STAU2: variants seen among roughly 807,000 people sequenced by gnomAD.
The protein encoded by STAU2 is double-stranded RNA-binding protein Staufen homolog 2.
In STAU2, 20 loss-of-function variants were observed where a neutral mutation model predicts 65.9. The ratio of observed to expected loss-of-function variants is 0.30; its 90% CI spans 0.21 to 0.44. The LOEUF (loss-of-function observed/expected upper bound fraction) is 0.44. Ranked by LOEUF, STAU2 falls within the 20% of genes least tolerant of loss-of-function variation. The pLI is 1.00. For synonymous variants in STAU2, 232 were observed against 233.9 expected (o/e 0.99, Z 0.07); for missense variants, 558 against 683.9 (o/e 0.82, Z 2.05).
intron 13 of STAU2, chr8:73,551,562 T>C (rs10112019): frequency 0.77 from 759,425 of 987,136 alleles, 295,220 homozygotes; most frequent in Non-Finnish European, 0.8. Context: ...ATACTAGCAA[T>C]AGAATGCAAA....
intron 13 of STAU2, among the ~76,000 whole-genome samples, chr8:73,483,315 T>A (rs1162177852): frequency 1.3e-5 from 2 of 152,118 alleles, no homozygotes; most frequent in East Asian, 3.9e-4. Flanking sequence ...CCTCACAAAT[T>A]GTCTAGGCAG....
At chr8:73,497,625 G>A (rs367967595) in intron 13 of STAU2, among the ~76,000 whole-genome samples, 10 of 151,644 alleles carry the variant, frequency 6.6e-5, no homozygotes, top group African/African-American at 2.2e-4. Context: ...ACAACTTTTC[G>A]AGTTATCAAT....
chr8:73,643,549 A>G (rs1235155497), intron 6 of STAU2, among the ~76,000 whole-genome samples: 1 of 152,210 alleles, frequency 6.6e-6, no homozygotes, highest in Non-Finnish European at 1.5e-5. Context: ...GGTAGCCATC[A>G]TGGAGGAAGA....
chr8:73,518,737 TA>T (rs1343473038), intron 13 of STAU2, among the ~76,000 whole-genome samples: 1 of 152,212 alleles, frequency 6.6e-6, no homozygotes, highest in African/African-American at 2.4e-5. Flanking sequence ...TTAGATAGAA[TA>T]ATATCTATCC....
intron 13 of STAU2, among the ~76,000 whole-genome samples, chr8:73,423,860 G>T (rs1350554625): frequency 2.6e-5 from 4 of 152,052 alleles, no homozygotes; most frequent in Admixed American, 2.6e-4. Context: ...CATTGGTATG[G>T]TACATTTGTT....
At chr8:73,491,315 T>C (rs2128915377) in intron 13 of STAU2, among the ~76,000 whole-genome samples, 1 of 152,124 alleles carries the variant, frequency 6.6e-6, no homozygotes, top group Admixed American at 6.6e-5. Flanking sequence ...ACAGACCTTG[T>C]TTAGCAGGCG....
intron 4 of STAU2, among the ~76,000 whole-genome samples, chr8:73,701,341 CCACAGAA>C (rs1377275716): frequency 6.6e-6 from 1 of 152,000 alleles, no homozygotes; most frequent in African/African-American, 2.4e-5. Context: ...AAGAAACAAC[CCACAGAA>C]TGGGAGAGAA....
At chr8:73,524,899 T>C (rs1008077731) in intron 13 of STAU2, among the ~76,000 whole-genome samples, 4 of 152,178 alleles carry the variant, frequency 2.6e-5, no homozygotes, top group Non-Finnish European at 5.9e-5. Context: ...GCTGCTACGG[T>C]GAAGGAGTAC....
At chr8:73,655,160 T>C (rs913677185) in intron 6 of STAU2, among the ~76,000 whole-genome samples, 13 of 152,350 alleles carry the variant, frequency 8.5e-5, no homozygotes, top group African/African-American at 2.9e-4. Flanking sequence ...TTTAGAAAGT[T>C]ACACATATTC....
chr8:73,561,494 C>G lies in STAU2; in HGVS notation c.1223-9175G>C, dbSNP rs1808226267. On this transcript the variant is annotated intron_variant, in intron 12 of 14. Coordinates refer to ENST00000524300, the MANE Select transcript of STAU2 (RefSeq NM_001164380.2). ...TGCTCGTAAAATAAAGATCGTTCTT[C>G]TTGGTTATGATTCTTCTCAGAAAAA... 6.6e-6 allele frequency: 3 copies of G among 451,288 alleles called. 1 individual carries two copies. The highest frequency in any genetic ancestry group is 3.2e-5 in the South Asian group (2 of 62,946). The allele number at this position is 451,288 out of a possible 1,614,324, so 28.0% of individuals were successfully genotyped here.
At chr8:73,503,375 A>G (rs1389145817) in intron 13 of STAU2, among the ~76,000 whole-genome samples, 1 of 152,134 alleles carries the variant, frequency 6.6e-6, no homozygotes, top group East Asian at 1.9e-4. Context: ...TCCTTGGATG[A>G]TACATGATTC....
chr8:73,504,245 A>C (rs1821925826), intron 13 of STAU2, among the ~76,000 whole-genome samples: 1 of 152,098 alleles, frequency 6.6e-6, no homozygotes, highest in African/African-American at 2.4e-5. Flanking sequence ...CCTACCAGCT[A>C]CTATCAGATA....
rs184896155 is a variant in STAU2, at chr8:73,471,238, T to C, written c.1531-48536A>G. Among the ~76,000 whole-genome samples the C allele has an allele frequency of 1.1e-3, 168 of 146,804 alleles. 1 individual carries two copies. The East Asian group carries it at 0.028, about 25-fold the overall frequency. ...CCCAGGCTGCAGTGCCATGGCACAA[T>C]CAGGGCTCACTGCAGCCTTGACCTC... On this transcript the variant is annotated intron_variant, in intron 13 of 14. Transcript: ENST00000524300.
rs34713766 is a variant in STAU2 at position 73,688,489 on chromosome 8, C to CGTGTGTGTGTGTGTGT, written c.274+149_274+164dup. ...CCTCCTTCAGTTATTTTTATGCTAC[C>CGTGTGTGTGTGTGTGT]GTGTGTGTGTGTGTGTGTGTGTGTG... is the stretch of plus-strand genomic sequence containing the variant. On this transcript the variant is annotated intron_variant, in intron 5 of 14. Transcript: ENST00000524300. 9.5e-5 allele frequency among the ~76,000 whole-genome samples: 14 copies of CGTGTGTGTGTGTGTGT among 146,862 alleles called. 1 individual carries two copies. Among genetic ancestry groups the CGTGTGTGTGTGTGTGT allele is most frequent in the African/African-American group, 3.3e-4 (13 of 39,442 alleles).
chr8:73,507,008 TTAC>T (rs1190671011), intron 13 of STAU2, among the ~76,000 whole-genome samples: 1 of 152,198 alleles, frequency 6.6e-6, no homozygotes, highest in Non-Finnish European at 1.5e-5. Context: ...TCTACTTCTC[TTAC>T]TATTTCTACC....
At chr8:73,693,580 CACCATCGACATGAACATTCTGTAAA>C (rs1260331315) in intron 4 of STAU2, among the ~76,000 whole-genome samples, 119 of 152,164 alleles carry the variant, frequency 7.8e-4, no homozygotes, top group Non-Finnish European at 1.3e-3. Flanking sequence ...CCATTCTTAC[CACCATCGACATGAACATTCTGTAAA>C]ACCATCAACA....
intron 13 of STAU2, among the ~76,000 whole-genome samples, chr8:73,546,148 G>GTTT (rs1563412799): frequency 4.4e-3 from 506 of 116,250 alleles, no homozygotes; most frequent in Non-Finnish European, 5.4e-3. Context: ...TTTTTTTTTG[G>GTTT]TAGAGACAGA....
chr8:73,745,249 C>G (rs929326488), intron 1 of STAU2, among the ~76,000 whole-genome samples: 2 of 152,236 alleles, frequency 1.3e-5, no homozygotes, highest in African/African-American at 4.8e-5. Flanking sequence ...TGTGATATCT[C>G]TTGTTTGCAG....
At chr8:73,553,869 G>C (rs573972310) in intron 12 of STAU2, among the ~76,000 whole-genome samples, 161 of 151,760 alleles carry the variant, frequency 1.1e-3, no homozygotes, top group African/African-American at 3.8e-3. Context: ...ATGTTTGTAA[G>C]GATTACTTTG....
Sources: allele counts gnomAD v4.1 joint callset (sites outside exome capture counted in the v4.1 genomes callset), GRCh38; gene constraint gnomAD v4.1.1; transcripts MANE v1.5; gene names NCBI Gene and HGNC (gene_info 2026-07-23, HGNC 2026-07-21).